Variants in MYO9B observed in about 807,000 individuals in gnomAD.
The protein encoded by MYO9B is myosin IXB, also known as unconventional myosin-IXb.
Under a neutral mutation model 229.5 loss-of-function variants are expected in MYO9B, and 71 were observed. The ratio of observed to expected loss-of-function variants is 0.31; its 90% CI spans 0.26 to 0.38. The LOEUF is 0.38. MYO9B is among the 10% of genes least tolerant of loss of function. The probability of loss-of-function intolerance (pLI) is 1.00; values close to 1 mark genes in which losing one functional copy is unlikely to be tolerated. For missense variants in MYO9B, 2,255 were observed against 2,920.5 expected (o/e 0.77, Z 5.25); for synonymous variants, 1,185 against 1,235.8 (o/e 0.96, Z 0.86).
rs908144728 is a variant in MYO9B at position 17,102,638 on chromosome 19, C to A, written c.840+81C>A. ...GTTTCAGGCCAAGCTCGGTGGCCCA[C>A]ATCTATAATCCCAATGCTTTGGAAG... On this transcript the variant is annotated intron_variant, in intron 2 of 39. Transcript: ENST00000682292. The A allele has an allele frequency of 1.6e-5, 23 of 1,454,652 alleles. No homozygotes were observed. In the East Asian group the frequency reaches 5.5e-4, roughly 35 times the overall value. 90.1% of individuals were successfully genotyped at this position (1,454,652 alleles called of 1,614,324 possible).
At chr19:17,141,409 C>CCTGCCCCTGTGCCCT (rs1599363934) in intron 2 of MYO9B, among the ~76,000 whole-genome samples, 1 of 152,170 alleles carries the variant, frequency 6.6e-6, no homozygotes, top group African/African-American at 2.4e-5. Flanking sequence ...GGGCGTGCCC[C>CCTGCCCCTGTGCCCT]CTGCCCCTGT....
chr19:17,167,723 C>T (rs986862123), intron 10 of MYO9B, among the ~76,000 whole-genome samples: 3 of 152,084 alleles, frequency 2.0e-5, no homozygotes, highest in Admixed American at 2.0e-4. Flanking sequence ...AGGTGATCCA[C>T]CTGCCTTGGC....
At chr19:17,090,658 G>A (rs2057628934) in intron 1 of MYO9B, among the ~76,000 whole-genome samples, 1 of 152,204 alleles carries the variant, frequency 6.6e-6, no homozygotes. Context: ...GCTGGAGGAT[G>A]TATTTTGCTT....
intron 2 of MYO9B, among the ~76,000 whole-genome samples, chr19:17,132,525 ATTTT>A (rs35184435): frequency 1.7e-5 from 2 of 116,368 alleles, no homozygotes; most frequent in Non-Finnish European, 3.4e-5. Context: ...TATTATTATT[ATTTT>A]TTTTTTTTTT....
chr19:17,209,786 C>A, intron 36 of MYO9B, 77 bp downstream of exon 36: 2 of 1,297,220 alleles, frequency 1.5e-6, no homozygotes, highest in Admixed American at 2.2e-5. Flanking sequence ...TTGGGCGTGG[C>A]TTTGTTGCTG....
chr19:17,143,692 G>GT (rs2072370643), intron 2 of MYO9B, among the ~76,000 whole-genome samples: 3 of 152,098 alleles, frequency 2.0e-5, no homozygotes, highest in South Asian at 2.1e-4. Flanking sequence ...AGAGGCCGGG[G>GT]CGGGCAGATC....
intron 2 of MYO9B, among the ~76,000 whole-genome samples, chr19:17,113,957 C>T (rs1165907534): frequency 1.3e-5 from 2 of 152,160 alleles, no homozygotes; most frequent in Non-Finnish European, 2.9e-5. Context: ...AGTTCCCAAC[C>T]CCTGCCCTGT....
chr19:17,117,289 G>T (rs1453339998), intron 2 of MYO9B, among the ~76,000 whole-genome samples: 2 of 152,322 alleles, frequency 1.3e-5, no homozygotes, highest in Non-Finnish European at 2.9e-5. Flanking sequence ...ATTTCTGCAG[G>T]CCTCGCCCTG....
chr19:17,121,690 G>A (rs749331586), intron 2 of MYO9B, among the ~76,000 whole-genome samples: 8 of 152,120 alleles, frequency 5.3e-5, no homozygotes, highest in Non-Finnish European at 1.0e-4. Context: ...CACTTTTGCC[G>A]CATTAAAAGT....
chr19:17,209,283 G>GTT (rs2073198846), intron 35 of MYO9B, among the ~76,000 whole-genome samples: 1 of 152,194 alleles, frequency 6.6e-6, no homozygotes, highest in African/African-American at 2.4e-5. Flanking sequence ...GGGACAAACT[G>GTT]CCCAGCAGCT....
intron 13 of MYO9B, among the ~76,000 whole-genome samples, chr19:17,174,959 AT>A (rs2072769186): frequency 2.0e-5 from 3 of 150,980 alleles, no homozygotes; most frequent in Admixed American, 6.6e-5. Flanking sequence ...TAAATAATAA[AT>A]TAATTAATTA....
At chr19:17,095,107 C>T (rs1395968088) in intron 1 of MYO9B, among the ~76,000 whole-genome samples, 5 of 152,028 alleles carry the variant, frequency 3.3e-5, no homozygotes, top group African/African-American at 9.7e-5. Flanking sequence ...GGTGTGGTGG[C>T]GGATGCCTGT....
intron 38 of MYO9B, among the ~76,000 whole-genome samples, chr19:17,211,345 C>T (rs934861422): frequency 1.3e-5 from 2 of 152,164 alleles, no homozygotes; most frequent in East Asian, 1.9e-4. Context: ...GATCACGGTT[C>T]ACTGCAGCCA....
chr19:17,105,158 C>T (rs561303611), intron 2 of MYO9B, among the ~76,000 whole-genome samples: 3 of 151,804 alleles, frequency 2.0e-5, no homozygotes, highest in Non-Finnish European at 4.4e-5. Context: ...GCTTTTCAGA[C>T]TGGCTTCTTC....
At chr19:17,097,715 C>T (rs945765607) in intron 1 of MYO9B, among the ~76,000 whole-genome samples, 3 of 152,168 alleles carry the variant, frequency 2.0e-5, no homozygotes, top group Non-Finnish European at 4.4e-5. Context: ...TCTAACACTT[C>T]TGCAGGAATT....
intron 35 of MYO9B, among the ~76,000 whole-genome samples, chr19:17,208,871 C>T (rs2073192981): frequency 6.6e-6 from 1 of 151,840 alleles, no homozygotes; most frequent in Non-Finnish European, 1.5e-5. Flanking sequence ...AGACTGAGTC[C>T]CTCTGGTACT....
rs1481665602 is a variant in MYO9B at position 17,208,211 on chromosome 19, C to T, written c.5624+967C>T. Among the ~76,000 whole-genome samples, 6 of 128,722 alleles carry T rather than the reference C, an allele frequency of 4.7e-5. No homozygotes were observed. The East Asian group carries it at 1.3e-3, about 27-fold the overall frequency. The allele number at this position is 128,722 out of a possible 152,430, so 84.4% of individuals were successfully genotyped here. On this transcript the variant is annotated intron_variant, in intron 35 of 39. Transcript: ENST00000682292. ...TAAACTAGCCAGGTGTGGTGGCAGG[C>T]GCCTGTAATCCCAGCTACTCGGGAG... is the stretch of plus-strand genomic sequence containing the variant.
At chr19:17,143,462 C>T (rs997085606) in intron 2 of MYO9B, among the ~76,000 whole-genome samples, 4 of 152,110 alleles carry the variant, frequency 2.6e-5, no homozygotes, top group African/African-American at 7.2e-5. Context: ...GCTCCATCCT[C>T]GCTGGAGCCC....
At chr19:17,117,776 A>G (rs1454206896) in intron 2 of MYO9B, among the ~76,000 whole-genome samples, 1 of 151,872 alleles carries the variant, frequency 6.6e-6, no homozygotes, top group East Asian at 1.9e-4. Context: ...CATCTCTACT[A>G]AAAATACAAA....
Sources: gnomAD v4.1 joint callset for allele counts (sites outside exome capture counted in the v4.1 genomes callset) on GRCh38, gnomAD v4.1.1 for gene constraint, MANE v1.5 for transcripts, NCBI Gene and HGNC (gene_info 2026-07-23, HGNC 2026-07-21) for gene names.